Variants in KCNT2 observed in about 807,000 individuals in gnomAD.
KCNT2 encodes the protein potassium channel subfamily T member 2.
Under a neutral mutation model 153.8 loss-of-function variants are expected in KCNT2, and 67 were observed. The ratio of observed to expected loss-of-function variants is 0.44; its 90% confidence interval spans 0.36 to 0.53. KCNT2 has a LOEUF of 0.53. Among genes scored for constraint, KCNT2 ranks in the 20% least tolerant of loss-of-function variants. KCNT2 has a pLI of 0.00. For missense variants in KCNT2, 975 were observed against 1,354.8 expected (o/e 0.72, Z 4.40); for synonymous variants, 500 against 458.8 (o/e 1.09, Z -1.15).
intron 26 of KCNT2, among the ~76,000 whole-genome samples, chr1:196,250,757 A>T (rs1655891372): frequency 6.6e-6 from 1 of 152,194 alleles, no homozygotes; most frequent in Admixed American, 6.5e-5. Context: ...ATGTGTAAGG[A>T]GCTCAAACAA....
At chr1:196,598,521 T>C (rs1302824553) in intron 1 of KCNT2, among the ~76,000 whole-genome samples, 2 of 152,204 alleles carry the variant, frequency 1.3e-5, no homozygotes, top group Non-Finnish European at 2.9e-5. Flanking sequence ...TTAACACTTA[T>C]TTTAATCAAG....
At chr1:196,483,649 C>G (rs953246380) in intron 3 of KCNT2, among the ~76,000 whole-genome samples, 1 of 152,098 alleles carries the variant, frequency 6.6e-6, no homozygotes, top group African/African-American at 2.4e-5. Flanking sequence ...TTCAGGGAAA[C>G]CCTCTCTGAG....
At chr1:196,470,474 TG>T (rs1170064663) in intron 5 of KCNT2, among the ~76,000 whole-genome samples, 3 of 152,144 alleles carry the variant, frequency 2.0e-5, no homozygotes, top group Non-Finnish European at 2.9e-5. Flanking sequence ...GAAGGTGAAA[TG>T]GGACTTCAAC....
intron 1 of KCNT2, among the ~76,000 whole-genome samples, chr1:196,605,851 C>T (rs1199094425): frequency 6.6e-6 from 1 of 151,996 alleles, no homozygotes; most frequent in Non-Finnish European, 1.5e-5. Context: ...TTAATGAGCA[C>T]CTAAACTATG....
rs945094627 is a variant in KCNT2 at position 196,274,336 on chromosome 1, G to A, written c.2910+6524C>T. On this transcript the variant is annotated intron_variant, in intron 25 of 27. Transcript: ENST00000294725. Reference sequence around the variant, plus strand: ...TTGTAATATAACTCCTCTAGTGTTAGTATTATAAGTATTATAATAGTATTA... The same window carrying A: ...TTGTAATATAACTCCTCTAGTGTTAATATTATAAGTATTATAATAGTATTA... 4.0e-5 allele frequency among the ~76,000 whole-genome samples: 6 copies of A among 151,560 alleles called. No homozygotes were observed. The South Asian group carries it at 1.2e-3, about 32-fold the overall frequency.
At chr1:196,475,068 T>A (rs1241912029) in intron 5 of KCNT2, among the ~76,000 whole-genome samples, 4 of 152,206 alleles carry the variant, frequency 2.6e-5, no homozygotes, top group Non-Finnish European at 5.9e-5. Flanking sequence ...AATGTCTAAT[T>A]TCAAGAATTA....
rs374882493 is a variant in KCNT2, at chr1:196,342,273, A to G, written c.1404-45T>C. The G allele has an allele frequency of 2.6e-6, 4 of 1,526,096 alleles. No individual in the cohort carries two copies. In the African/African-American group the frequency reaches 4.2e-5, roughly 16 times the overall value. The allele number at this position is 1,526,096 out of a possible 1,614,324, so 94.5% of individuals were successfully genotyped here. ...ACATACACACACACAAAAAGAAAAC[A>G]CAGTGAATGTGGTTAAAAAACAGTT... is the stretch of plus-strand genomic sequence containing the variant. On this transcript the variant is annotated intron_variant, in intron 14 of 27. Coordinates refer to ENST00000294725, the MANE Select transcript of KCNT2 (RefSeq NM_198503.5).
Position 196,373,175 on chromosome 1 carries a change from T to C in KCNT2, c.1368A>G (p.Thr456=), listed in dbSNP as rs1668675917. ...ALNCICPATS[T]LITLLVHTSR... Reference sequence around the variant, plus strand: ...AGGTATGAACCAGTAGTGTAATAAGTGTAGATGTTGCTGGGCATATACAGT... The same window carrying C: ...AGGTATGAACCAGTAGTGTAATAAGCGTAGATGTTGCTGGGCATATACAGT... The change falls in exon 14 of 28, where the codon ACA becomes ACG. Residue 456 remains threonine, a synonymous_variant. Coordinates refer to ENST00000294725, the MANE Select transcript of KCNT2 (RefSeq NM_198503.5). 1 of 1,580,864 alleles carries C rather than the reference T, an allele frequency of 6.3e-7. No homozygotes were observed. Among genetic ancestry groups the C allele is most frequent in the East Asian group, 2.2e-5 (1 of 44,528 alleles).
chr1:196,331,875 A>C (rs1664499832), intron 17 of KCNT2, among the ~76,000 whole-genome samples: 1 of 152,144 alleles, frequency 6.6e-6, no homozygotes, highest in Non-Finnish European at 1.5e-5. Context: ...TTAAAAACAT[A>C]GTTTTTGTTG....
intron 1 of KCNT2, among the ~76,000 whole-genome samples, chr1:196,564,359 A>T (rs1659817252): frequency 6.6e-6 from 1 of 151,950 alleles, no homozygotes; most frequent in Admixed American, 6.6e-5. Context: ...GAAGAAACAA[A>T]TAAACAGAAA....
At chr1:196,382,379 T>C (rs1237716885) in intron 13 of KCNT2, among the ~76,000 whole-genome samples, 1 of 151,986 alleles carries the variant, frequency 6.6e-6, no homozygotes, top group Non-Finnish European at 1.5e-5. Context: ...AGTGCTGGGA[T>C]TACAGACGTG....
At chr1:196,464,967 T>A (rs560600486) in intron 8 of KCNT2, among the ~76,000 whole-genome samples, 1 of 152,088 alleles carries the variant, frequency 6.6e-6, no homozygotes, top group South Asian at 2.1e-4. Context: ...TGAGGGCACT[T>A]CTGTAACAGT....
chr1:196,241,652 T>G (rs902364960), intron 26 of KCNT2, among the ~76,000 whole-genome samples: 6 of 152,064 alleles, frequency 3.9e-5, no homozygotes, highest in Non-Finnish European at 8.8e-5. Context: ...ATATGAATAT[T>G]CAGTGTATTC....
chr1:196,537,146 G>A (rs1478265623), intron 1 of KCNT2, among the ~76,000 whole-genome samples: 1 of 152,156 alleles, frequency 6.6e-6, no homozygotes, highest in Admixed American at 6.5e-5. Flanking sequence ...TAGAAAGGTT[G>A]TCTCAGCCTC....
chr1:196,311,678 C>T (rs1332172959), intron 21 of KCNT2, among the ~76,000 whole-genome samples: 1 of 151,704 alleles, frequency 6.6e-6, no homozygotes, highest in Non-Finnish European at 1.5e-5. Flanking sequence ...TTTTTTTCCC[C>T]AGCTCCTAGG....
chr1:196,553,864 T>C (rs1658279876), intron 1 of KCNT2, among the ~76,000 whole-genome samples: 1 of 151,204 alleles, frequency 6.6e-6, no homozygotes, highest in Non-Finnish European at 1.5e-5. Context: ...TATTAAGCAG[T>C]ATGTGCATGA....
At chr1:196,237,825 T>C (rs1330579771) in intron 26 of KCNT2, among the ~76,000 whole-genome samples, 1 of 151,816 alleles carries the variant, frequency 6.6e-6, no homozygotes, top group Non-Finnish European at 1.5e-5. Context: ...CCAATGAATA[T>C]ATATTGATGC....
chr1:196,561,219 T>C (rs1043243362), intron 1 of KCNT2, among the ~76,000 whole-genome samples: 2 of 151,532 alleles, frequency 1.3e-5, no homozygotes, highest in African/African-American at 4.8e-5. Flanking sequence ...TTATATCCCA[T>C]AAATATATAT....
intron 1 of KCNT2, among the ~76,000 whole-genome samples, chr1:196,508,189 C>CAAAAAAAAAAAAAAAAAAAAAAAAT (rs10539910): frequency 8.3e-5 from 5 of 59,982 alleles, no homozygotes; most frequent in Non-Finnish European, 1.2e-4. Context: ...CCCTAAGTAG[C>CAAAAAAAAAAAAAAAAAAAAAAAAT]AAAAAAAAAA....
Sources: gnomAD v4.1 joint callset for allele counts (sites outside exome capture counted in the v4.1 genomes callset) on GRCh38, gnomAD v4.1.1 for gene constraint, MANE v1.5 for transcripts, NCBI Gene and HGNC (gene_info 2026-07-23, HGNC 2026-07-21) for gene names.